MTHFSD: variants seen among roughly 807,000 people sequenced by gnomAD.
The protein encoded by MTHFSD is methenyltetrahydrofolate synthetase domain containing.
MTHFSD carries 37 observed loss-of-function variants against 31.1 expected under a neutral mutation model. That is an observed-to-expected ratio of 1.19 (90% CI 0.91 to 1.56). The LOEUF (loss-of-function observed/expected upper bound fraction) is 1.56, where lower values mean the gene tolerates loss of function less well. MTHFSD is among the 40% of genes most tolerant of loss of function. The probability of loss-of-function intolerance (pLI) is 0.00; values close to 1 mark genes in which losing one functional copy is unlikely to be tolerated. For missense variants in MTHFSD, 664 were observed against 510.1 expected, an observed-to-expected ratio of 1.30 and a Z score of -2.91; for synonymous variants, 221 against 206.9, an observed-to-expected ratio of 1.07 and a Z score of -0.59.
chr16:86,549,968 C>G (rs1972900524), intron 3 of MTHFSD, among the ~76,000 whole-genome samples: 1 of 152,248 alleles, frequency 6.6e-6, no homozygotes, highest in Non-Finnish European at 1.5e-5. Flanking sequence ...TGAGGTTGTG[C>G]ATGCCCCCAG....
chr16:86,551,915 G>C, intron 3 of MTHFSD, 118 bp downstream of exon 3: 1 of 1,510,200 alleles, frequency 6.6e-7, no homozygotes, highest in Non-Finnish European at 8.8e-7. Flanking sequence ...CTGTATTGGA[G>C]GGAATCGGAA....
At chr16:86,552,261 C>A in intron 2 of MTHFSD, 115 bp from the exon 3 acceptor site, 1 of 1,603,810 alleles carries the variant, frequency 6.2e-7, no homozygotes, top group Non-Finnish European at 8.5e-7. Context: ...CGCCTGCAAG[C>A]GTGGGAGTTG....
At chr16:86,550,309 G>C (rs745657304) in intron 3 of MTHFSD, among the ~76,000 whole-genome samples, 4 of 152,250 alleles carry the variant, frequency 2.6e-5, no homozygotes, top group Non-Finnish European at 4.4e-5. Flanking sequence ...AGATAGCTCA[G>C]TTACTTATGC....
Position 86,541,730 on chromosome 16 carries a change from C to T in MTHFSD, c.648G>A (p.Lys216=), listed in dbSNP as rs1971549002. 1 of 1,613,910 alleles carries T rather than the reference C, an allele frequency of 6.2e-7. No homozygotes were observed. Among genetic ancestry groups the T allele is most frequent in the South Asian group, 1.1e-5 (1 of 90,986 alleles). The change falls in exon 7 of 8, where the codon AAG becomes AAA. Residue 216 remains lysine, a synonymous_variant. Coordinates refer to ENST00000360900, the MANE Select transcript of MTHFSD (RefSeq NM_001159377.2). ...AGGTGATTCCCATTGGCTTTGGGCG[C>T]TTGCAGCCTGTGGCGATGACTCTGG... ...TPTRVIATGC[K]RPKPMGITWF... is the part of the protein sequence containing the mutation.
chr16:86,551,065 C>G (rs1001824204), intron 3 of MTHFSD, among the ~76,000 whole-genome samples: 3 of 152,170 alleles, frequency 2.0e-5, no homozygotes, highest in Non-Finnish European at 4.4e-5. Context: ...TCCAGCAAAA[C>G]CATATCAACC....
In MTHFSD at chr16:86,543,734, A is replaced by T. The variant is rs189301894; in HGVS notation, c.443-1521T>A. Among the ~76,000 whole-genome samples the T allele has an allele frequency of 3.7e-3, 563 of 152,138 alleles. 2 individuals are homozygous for T. Among genetic ancestry groups the T allele is most frequent in the Non-Finnish European group, 6.9e-3 (469 of 67,996 alleles). ...AAAAACTATAAGACAGGGGTTCCCAACTCCTGGGCCACAGACCAGTACTAG... is the reference window on the plus strand; with the variant it reads ...AAAAACTATAAGACAGGGGTTCCCATCTCCTGGGCCACAGACCAGTACTAG... On this transcript the variant is annotated intron_variant, in intron 5 of 7. Transcript: ENST00000360900.
chr16:86,554,781 T>A (rs1369522986), intron 1 of MTHFSD, 30 bp from the exon 2 acceptor site: 6 of 1,567,458 alleles, frequency 3.8e-6, no homozygotes, highest in Non-Finnish European at 5.3e-6. Flanking sequence ...CTTAATAACA[T>A]ACAAAGGAAT....
chr16:86,532,204 C>A lies in MTHFSD; in HGVS notation c.959G>T (p.Ser320Ile). 6.3e-7 allele frequency: 1 copy of A among 1,586,538 alleles called. No homozygotes were observed. The highest frequency in any genetic ancestry group is 8.6e-7 in the Non-Finnish European group (1 of 1,166,840). Residue 320 changes from serine to isoleucine, a missense_variant, in exon 8 of 8, where the codon AGT becomes ATT. Coordinates refer to ENST00000360900, the MANE Select transcript of MTHFSD (RefSeq NM_001159377.2). ...VGNLPGDARV[S>I]DLKRALRELG... Reference sequence around the variant, plus strand: ...TTCCCGCAGGGCTCTCTTCAGGTCACTCACACGGGCGTCCCCGGGGAGGTT... The same window carrying A: ...TTCCCGCAGGGCTCTCTTCAGGTCAATCACACGGGCGTCCCCGGGGAGGTT...
At chr16:86,539,711 G>A (rs1312117211) in intron 7 of MTHFSD, among the ~76,000 whole-genome samples, 3 of 152,194 alleles carry the variant, frequency 2.0e-5, no homozygotes, top group African/African-American at 7.2e-5. Context: ...AACAGAGCGT[G>A]TATTAGACTG....
intron 3 of MTHFSD, among the ~76,000 whole-genome samples, chr16:86,551,636 C>A (rs1275595619): frequency 6.6e-6 from 1 of 152,222 alleles, no homozygotes; most frequent in Admixed American, 6.5e-5. Context: ...CATCCAGAAG[C>A]AAATGATTCT....
chr16:86,536,808 A>G (rs1197482139), intron 7 of MTHFSD, among the ~76,000 whole-genome samples: 1 of 152,220 alleles, frequency 6.6e-6, no homozygotes, highest in South Asian at 2.1e-4. Flanking sequence ...TGCTCCGCAC[A>G]GAGTCCTGCA....
chr16:86,545,259 T>G (rs556649711), intron 5 of MTHFSD, among the ~76,000 whole-genome samples: 7 of 152,156 alleles, frequency 4.6e-5, no homozygotes, highest in African/African-American at 1.4e-4. Context: ...ATGTACAACG[T>G]CTACACTAGG....
chr16:86,550,248 C>T (rs538970992), intron 3 of MTHFSD, among the ~76,000 whole-genome samples: 1 of 152,376 alleles, frequency 6.6e-6, no homozygotes, highest in South Asian at 2.1e-4. Flanking sequence ...TCAGGGACCA[C>T]ATGTGTGTAG....
Position 86,555,165 on chromosome 16 carries a change from C to T in MTHFSD, c.16+4G>A, listed in dbSNP as rs374696686. 3.4e-4 allele frequency: 517 copies of T among 1,536,594 alleles called. No individual in the cohort carries two copies. Among genetic ancestry groups the T allele is most frequent in the Middle Eastern group, 5.0e-4 (3 of 5,976 alleles). Reference sequence around the variant, plus strand: ...CCGCCCCGGAGCCCCGCCAGGCCCCCCACCTGCCCTCGGCTCCATGGTGAT... The same window carrying T: ...CCGCCCCGGAGCCCCGCCAGGCCCCTCACCTGCCCTCGGCTCCATGGTGAT... On this transcript the variant is annotated splice_donor_region_variant and intron_variant, in intron 1 of 7. Coordinates refer to ENST00000360900, the MANE Select transcript of MTHFSD (RefSeq NM_001159377.2).
chr16:86,545,386 T>G (rs1250866116), intron 5 of MTHFSD, among the ~76,000 whole-genome samples: 1 of 152,182 alleles, frequency 6.6e-6, no homozygotes, highest in Non-Finnish European at 1.5e-5. Context: ...GGGGGTTAGC[T>G]AAACGATGAA....
In MTHFSD at chr16:86,542,070, T is replaced by A; in HGVS notation, c.555+31A>T. The stretch of plus-strand genomic sequence containing the variant: ...CTGCTCCCTCAGAAGAGAATGGCAG[T>A]GGCTCTGCTCAGCCCATTCATAAGG... On this transcript the variant is annotated intron_variant, in intron 6 of 7. Transcript: ENST00000360900. This position sits in a 1 kb window ranked among gnomAD's most constrained non-coding sequence, Gnocchi z 4.6. 6.3e-7 allele frequency: 1 copy of A among 1,578,040 alleles called. No individual in the cohort carries two copies. Among genetic ancestry groups the A allele is most frequent in the South Asian group, 1.1e-5 (1 of 90,060 alleles).
intron 3 of MTHFSD, 159 bp downstream of exon 3, chr16:86,551,874 T>C (rs566304366): frequency 2.2e-6 from 3 of 1,374,448 alleles, no homozygotes; most frequent in Admixed American, 2.6e-5. Flanking sequence ...TTCTGAACTA[T>C]TCTTGGAAAA....
chr16:86,540,062 A>ATT (rs374109793), intron 7 of MTHFSD, among the ~76,000 whole-genome samples: 2 of 150,840 alleles, frequency 1.3e-5, no homozygotes. Context: ...GAATTTAGAG[A>ATT]TTTTTTTTTT....
Position 86,532,221 on chromosome 16 carries a change from G to A in MTHFSD, c.942C>T (p.Pro314=). The A allele has an allele frequency of 1.9e-6, 3 of 1,573,902 alleles. No homozygotes were observed. Among genetic ancestry groups the A allele is most frequent in the East Asian group, 2.3e-5 (1 of 43,098 alleles). Reference sequence around the variant, plus strand: ...TCAGGTCACTCACACGGGCGTCCCCGGGGAGGTTCCCAACGTAAACATCGG... The same window carrying A: ...TCAGGTCACTCACACGGGCGTCCCCAGGGAGGTTCCCAACGTAAACATCGG... The part of the protein sequence containing the change: ...LAADVYVGNL[P]GDARVSDLKR... Residue 314 remains proline (P), a synonymous_variant, in exon 8 of 8, where the codon CCC becomes CCT. Coordinates refer to ENST00000360900, the MANE Select transcript of MTHFSD (RefSeq NM_001159377.2).
Sources: gnomAD v4.1 joint callset for allele counts (sites outside exome capture counted in the v4.1 genomes callset) on GRCh38, gnomAD v4.1.1 for gene constraint, Gnocchi (gnomAD v3.1) non-coding constraint, MANE v1.5 for transcripts, NCBI Gene and HGNC (gene_info 2026-07-23, HGNC 2026-07-21) for gene names.